PIP4K2A: variants seen among roughly 807,000 people sequenced by gnomAD.
PIP4K2A encodes phosphatidylinositol 5-phosphate 4-kinase type-2 alpha.
Under a neutral mutation model 42.9 loss-of-function variants are expected in PIP4K2A, and 14 were observed. The ratio of observed to expected loss-of-function variants is 0.33; its 90% CI spans 0.22 to 0.51. The LOEUF is 0.51. PIP4K2A is among the 20% of genes least tolerant of loss of function. PIP4K2A has a pLI of 0.97. For missense variants in PIP4K2A, 434 were observed against 519.8 expected, an observed-to-expected ratio of 0.83 and a Z score of 1.61; for synonymous variants, 192 against 192.2, an observed-to-expected ratio of 1.00 and a Z score of 0.01.
chr10:22,580,788 A>T (rs1282931433), intron 4 of PIP4K2A, among the ~76,000 whole-genome samples: 1 of 152,212 alleles, frequency 6.6e-6, no homozygotes, highest in Non-Finnish European at 1.5e-5. Context: ...ACCACGGTCT[A>T]CAAGATGTGG....
intron 6 of PIP4K2A, among the ~76,000 whole-genome samples, chr10:22,554,769 G>A (rs533845188): frequency 1.3e-5 from 2 of 152,316 alleles, no homozygotes; most frequent in East Asian, 1.9e-4. Flanking sequence ...TTGCTGGGAG[G>A]GGACGAGGGT....
intron 1 of PIP4K2A, among the ~76,000 whole-genome samples, chr10:22,645,487 A>C (rs552290809): frequency 6.6e-6 from 1 of 152,004 alleles, no homozygotes; most frequent in Non-Finnish European, 1.5e-5. Flanking sequence ...TTCAGGTTGC[A>C]ATGAGATACG....
At chr10:22,674,415 C>CAAAAAAAAAA (rs1002492534) in intron 1 of PIP4K2A, among the ~76,000 whole-genome samples, 3 of 61,128 alleles carry the variant, frequency 4.9e-5, no homozygotes, top group Non-Finnish European at 1.0e-4. Flanking sequence ...CACTTGGGAG[C>CAAAAAAAAAA]AAAAAAAAAA....
chr10:22,677,500 G>A (rs1839582147), intron 1 of PIP4K2A, among the ~76,000 whole-genome samples: 1 of 152,192 alleles, frequency 6.6e-6, no homozygotes, highest in Non-Finnish European at 1.5e-5. Context: ...TAGCCACAAG[G>A]CAAGCATTCA....
Position 22,535,951 on chromosome 10 carries a change from A to G in PIP4K2A, c.*1250T>C. ...GTCTACCATGTACTTTGACTAAAACACTCACGTAAAAACATGGCTGCAGGA... is the reference window on the plus strand; with the variant it reads ...GTCTACCATGTACTTTGACTAAAACGCTCACGTAAAAACATGGCTGCAGGA... On this transcript the variant is annotated 3_prime_UTR_variant, in exon 10 of 10. Coordinates refer to ENST00000376573, the MANE Select transcript of PIP4K2A (RefSeq NM_005028.5). The G allele has an allele frequency of 5.1e-6, 2 of 394,600 alleles. No homozygotes were observed. Among genetic ancestry groups the G allele is most frequent in the Admixed American group, 8.8e-5 (2 of 22,628 alleles). The allele number at this position is 394,600 out of a possible 1,614,324, so 24.4% of individuals were successfully genotyped here. A position where few individuals can be genotyped will look rare whatever the true frequency, so the allele number is the denominator to read the frequency against.
intron 3 of PIP4K2A, among the ~76,000 whole-genome samples, chr10:22,604,402 G>T (rs558185143): frequency 6.6e-6 from 1 of 151,972 alleles, no homozygotes; most frequent in African/African-American, 2.4e-5. Flanking sequence ...GACAAGTCGG[G>T]ACCATTTACC....
chr10:22,710,325 C>T (rs1169504386), intron 1 of PIP4K2A, among the ~76,000 whole-genome samples: 2 of 152,206 alleles, frequency 1.3e-5, no homozygotes, highest in Non-Finnish European at 2.9e-5. Flanking sequence ...CAGGCCCTTT[C>T]CCCTCTCTGG....
At chr10:22,569,655 CTGTGTGTGTGTG>C (rs145635674) in intron 5 of PIP4K2A, among the ~76,000 whole-genome samples, 1 of 151,172 alleles carries the variant, frequency 6.6e-6, no homozygotes, top group African/African-American at 2.4e-5. Flanking sequence ...GTGTGTGTGT[CTGTGTGTGTGTG>C]TGTCTGTCTG....
At chr10:22,610,871 C>T (rs140282970) in intron 1 of PIP4K2A, among the ~76,000 whole-genome samples, 2 of 152,282 alleles carry the variant, frequency 1.3e-5, no homozygotes, top group Admixed American at 6.5e-5. Context: ...AGGAGAGCAA[C>T]CCCTGCCAGG....
rs1049942296 is a variant in PIP4K2A, at chr10:22,542,290, G to A, written c.793-243C>T. 1.5e-3 allele frequency among the ~76,000 whole-genome samples: 226 copies of A among 152,376 alleles called. 2 individuals are homozygous for A. The highest frequency in any genetic ancestry group is 5.2e-3 in the African/African-American group (215 of 41,588). Reference sequence around the variant, plus strand: ...CCTGGAATGCCACACTGGATGCGGAGAGGTGTGTATCTATCACAGGGTGGC... The same window carrying A: ...CCTGGAATGCCACACTGGATGCGGAAAGGTGTGTATCTATCACAGGGTGGC... On this transcript the variant is annotated intron_variant, in intron 7 of 9. Coordinates refer to ENST00000376573, the MANE Select transcript of PIP4K2A (RefSeq NM_005028.5).
intron 6 of PIP4K2A, among the ~76,000 whole-genome samples, chr10:22,560,516 G>A (rs1836662636): frequency 6.6e-6 from 1 of 152,236 alleles, no homozygotes; most frequent in Non-Finnish European, 1.5e-5. Flanking sequence ...TTGGTAATAG[G>A]TAAAACGTCG....
Position 22,573,209 on chromosome 10 carries a change from T to G in PIP4K2A, c.639+102A>C, listed in dbSNP as rs1488399614. 3 of 1,045,134 alleles carry G rather than the reference T, an allele frequency of 2.9e-6. No homozygotes were observed. In the African/African-American group the frequency reaches 4.7e-5, roughly 16 times the overall value. 64.7% of individuals were successfully genotyped at this position (1,045,134 alleles called of 1,614,324 possible). A position where few individuals can be genotyped will look rare whatever the true frequency, so the allele number is the denominator to read the frequency against. On this transcript the variant is annotated intron_variant, in intron 5 of 9. Transcript: ENST00000376573. ...CTGCTACTTGTCTGGTAGCTTTAAG[T>G]GCTGAGCGGCTCCTAAGCATTTCTG...
intron 1 of PIP4K2A, among the ~76,000 whole-genome samples, chr10:22,664,057 ATATACATATATATATATACG>A (rs1361308470): frequency 1.4e-4 from 12 of 84,410 alleles, no homozygotes; most frequent in African/African-American, 3.8e-4. Flanking sequence ...ACATATGTAT[ATATACATATATATATATACG>A]TATATATATA....
intron 8 of PIP4K2A, 78 bp from the exon 9 acceptor site, chr10:22,540,152 GGGA>G: frequency 1.3e-6 from 1 of 787,258 alleles, no homozygotes. Context: ...GAGGGAGGGA[GGGA>G]GAAGTGAGCC....
intron 1 of PIP4K2A, among the ~76,000 whole-genome samples, chr10:22,706,609 T>C (rs1363095167): frequency 3.3e-5 from 5 of 152,244 alleles, no homozygotes; most frequent in Non-Finnish European, 7.3e-5. Flanking sequence ...CCTGTAGTTA[T>C]GCACAATTTG....
At chr10:22,557,774 A>G (rs1167239352) in intron 6 of PIP4K2A, among the ~76,000 whole-genome samples, 1 of 152,246 alleles carries the variant, frequency 6.6e-6, no homozygotes, top group East Asian at 1.9e-4. Flanking sequence ...AAGAGCCAAC[A>G]GTATGGGTAA....
intron 1 of PIP4K2A, among the ~76,000 whole-genome samples, chr10:22,652,463 A>G (rs916105628): frequency 7.9e-5 from 12 of 152,156 alleles, no homozygotes; most frequent in Non-Finnish European, 1.6e-4. Context: ...TGATAATAAA[A>G]CACTGAATTG....
intron 1 of PIP4K2A, among the ~76,000 whole-genome samples, chr10:22,703,467 A>G (rs1434275685): frequency 6.6e-6 from 1 of 152,190 alleles, no homozygotes; most frequent in Non-Finnish European, 1.5e-5. Flanking sequence ...AGAAAAATAA[A>G]GACTGAAGAA....
chr10:22,600,925 C>T (rs1467910087), intron 3 of PIP4K2A, among the ~76,000 whole-genome samples: 2 of 151,894 alleles, frequency 1.3e-5, no homozygotes, highest in Admixed American at 1.3e-4. Flanking sequence ...GGGAGCAAGA[C>T]ACAGTGCAAT....
Sources: gnomAD v4.1 joint callset for allele counts (sites outside exome capture counted in the v4.1 genomes callset) on GRCh38, gnomAD v4.1.1 for gene constraint, MANE v1.5 for transcripts, NCBI Gene and HGNC (gene_info 2026-07-23, HGNC 2026-07-21) for gene names.